Variants in CSMD1 observed in about 807,000 individuals in gnomAD.
The protein encoded by CSMD1 is CUB and sushi domain-containing protein 1.
Under a neutral mutation model 417.5 loss-of-function variants are expected in CSMD1, and 213 were observed. The observed-to-expected ratio is 0.51, with a 90% CI of 0.46 to 0.57. The LOEUF is 0.57. Ranked by LOEUF, CSMD1 falls within the 20% of genes least tolerant of loss-of-function variation. CSMD1 has a pLI of 0.00. For synonymous variants in CSMD1, 2,862 were observed against 1,736.8 expected, an observed-to-expected ratio of 1.65 and a Z score of -16.11; for missense variants, 6,923 against 4,529.7, an observed-to-expected ratio of 1.53 and a Z score of -15.17.
At chr8:4,472,315 A>T (rs1254271278) in intron 2 of CSMD1, among the ~76,000 whole-genome samples, 2 of 152,130 alleles carry the variant, frequency 1.3e-5, no homozygotes, top group African/African-American at 4.8e-5. Flanking sequence ...TTACTTGACA[A>T]CTTACCAATA....
chr8:4,686,603 C>T (rs1425415603), intron 1 of CSMD1, among the ~76,000 whole-genome samples: 3 of 152,220 alleles, frequency 2.0e-5, no homozygotes, highest in Non-Finnish European at 2.9e-5. Context: ...AGTCTCACGT[C>T]CCGACGTCTG....
intron 2 of CSMD1, among the ~76,000 whole-genome samples, chr8:4,612,425 A>C (rs1056118739): frequency 2.6e-5 from 4 of 152,194 alleles, no homozygotes; most frequent in Admixed American, 6.5e-5. Flanking sequence ...TTTCTTCAGG[A>C]AAATAATAGG....
intron 4 of CSMD1, among the ~76,000 whole-genome samples, chr8:4,012,382 T>G (rs998522429): frequency 5.3e-5 from 8 of 152,194 alleles, no homozygotes; most frequent in Non-Finnish European, 1.0e-4. Flanking sequence ...CATTGCCTTG[T>G]TGATCTCATC....
chr8:4,337,139 G>A (rs375434614), intron 3 of CSMD1, among the ~76,000 whole-genome samples: 1 of 152,040 alleles, frequency 6.6e-6, no homozygotes. Context: ...GGGATCTTCT[G>A]CCCCCACCTT....
At chr8:4,734,712 C>G (rs1457376091) in intron 1 of CSMD1, among the ~76,000 whole-genome samples, 1 of 152,110 alleles carries the variant, frequency 6.6e-6, no homozygotes. Context: ...GCAAAAGATA[C>G]ATCTATTGTT....
rs866823261 is a variant in CSMD1 at position 4,397,465 on chromosome 8, T to C, written c.415+22488A>G. On this transcript the variant is annotated intron_variant, in intron 3 of 69. Transcript: ENST00000635120. Reference sequence around the variant, plus strand: ...AAGCTTCGGGAGATACGTGATCTGTTGCAGGGTTTTCATGAAACTTCTGTG... The same window carrying C: ...AAGCTTCGGGAGATACGTGATCTGTCGCAGGGTTTTCATGAAACTTCTGTG... 2.0e-5 allele frequency among the ~76,000 whole-genome samples: 3 copies of C among 149,448 alleles called. No individual in the cohort carries two copies. In the Middle Eastern group the frequency reaches 0.01, roughly 508 times the overall value.
chr8:3,784,660 A>G lies in CSMD1; in HGVS notation c.819-30618T>C, dbSNP rs138400788. 3.9e-5 allele frequency among the ~76,000 whole-genome samples: 6 copies of G among 152,358 alleles called. No individual in the cohort carries two copies. The East Asian group carries it at 9.6e-4, about 24-fold the overall frequency. ...AAATAGAAATCTGTTTGGTTTGGAA[A>G]TAAGGGATATTGTCAGCAAATTTTC... On this transcript the variant is annotated intron_variant, in intron 5 of 69. Transcript: ENST00000635120.
chr8:2,943,207 T>G (rs1402412198), intron 68 of CSMD1, among the ~76,000 whole-genome samples: 1 of 152,084 alleles, frequency 6.6e-6, no homozygotes, highest in Admixed American at 6.5e-5. Context: ...AATGTAACTT[T>G]TTAAATTAAA....
At chr8:3,412,250 T>G (rs1415582413) in intron 12 of CSMD1, among the ~76,000 whole-genome samples, 1 of 151,308 alleles carries the variant, frequency 6.6e-6, no homozygotes. Flanking sequence ...TGATGGGCAT[T>G]TGGGTTGGTT....
At chr8:4,334,117 A>G (rs1800025620) in intron 3 of CSMD1, among the ~76,000 whole-genome samples, 1 of 152,042 alleles carries the variant, frequency 6.6e-6, no homozygotes, top group South Asian at 2.1e-4. Context: ...GTGTTAACCA[A>G]GCTGGTCTCA....
In CSMD1 at chr8:4,340,311, T is replaced by A. The variant is rs183153148; in HGVS notation, c.415+79642A>T. Among the ~76,000 whole-genome samples the A allele has an allele frequency of 2.7e-3, 415 of 152,166 alleles. 6 individuals carry two copies. Among genetic ancestry groups the A allele is most frequent in the African/African-American group, 9.5e-3 (395 of 41,548 alleles). On this transcript the variant is annotated intron_variant, in intron 3 of 69. Coordinates refer to ENST00000635120, the MANE Select transcript of CSMD1 (RefSeq NM_033225.6). ...CATCTGTGTTTGCAAGGCATCTCCA[T>A]CCAAACCCTTACATTGGCTGGGATG...
chr8:3,014,931 A>T (rs1554489360), intron 52 of CSMD1, among the ~76,000 whole-genome samples: 1 of 146,656 alleles, frequency 6.8e-6, no homozygotes, highest in Non-Finnish European at 1.5e-5. Context: ...TAATTAAATA[A>T]ATAAATAAAA....
At chr8:3,088,757 T>C (rs549036693) in intron 48 of CSMD1, among the ~76,000 whole-genome samples, 2 of 151,712 alleles carry the variant, frequency 1.3e-5, no homozygotes, top group East Asian at 3.9e-4. Flanking sequence ...CTTCTAAGTT[T>C]TGAATGAACC....
intron 1 of CSMD1, among the ~76,000 whole-genome samples, chr8:4,833,170 G>C (rs1377854040): frequency 6.6e-6 from 1 of 152,078 alleles, no homozygotes; most frequent in Admixed American, 6.6e-5. Context: ...TTCTCACACT[G>C]CTATAAAAAA....
chr8:3,562,798 C>A (rs970073091), intron 10 of CSMD1, among the ~76,000 whole-genome samples: 1 of 151,570 alleles, frequency 6.6e-6, no homozygotes, highest in Non-Finnish European at 1.5e-5. Flanking sequence ...GGAAGAGGAT[C>A]GAGAAAAACA....
At chr8:3,384,663 T>C (rs1213335597) in intron 18 of CSMD1, among the ~76,000 whole-genome samples, 10 of 137,272 alleles carry the variant, frequency 7.3e-5, no homozygotes, top group Non-Finnish European at 1.4e-4. Flanking sequence ...TAAATTAATA[T>C]AGATGCTATT....
rs200815103 is a variant in CSMD1 at position 3,558,635 on chromosome 8, A to G, written c.1344+16310T>C. Among the ~76,000 whole-genome samples the G allele has an allele frequency of 8.9e-3, 1,005 of 113,540 alleles. 4 individuals carry two copies. The highest frequency in any genetic ancestry group is 0.024 in the East Asian group (86 of 3,634). 74.5% of individuals were successfully genotyped at this position (113,540 alleles called of 152,430 possible). ...TCCTCCAATGATGAATAGTGCCTCA[A>G]TAGTACCCCGTGTCCACTCCTCCAA... is the stretch of plus-strand genomic sequence containing the variant. On this transcript the variant is annotated intron_variant, in intron 10 of 69. Transcript: ENST00000635120.
chr8:4,718,393 A>G (rs1244574061), intron 1 of CSMD1, among the ~76,000 whole-genome samples: 1 of 152,236 alleles, frequency 6.6e-6, no homozygotes, highest in Non-Finnish European at 1.5e-5. Context: ...ACTTAACATG[A>G]TAAAACACAT....
At chr8:3,260,204 C>G (rs1485477550) in intron 26 of CSMD1, among the ~76,000 whole-genome samples, 4 of 152,126 alleles carry the variant, frequency 2.6e-5, no homozygotes, top group African/African-American at 7.2e-5. Context: ...CTTCCTCACC[C>G]TGAATTGAAC....
Sources: gnomAD v4.1 joint callset for allele counts (sites outside exome capture counted in the v4.1 genomes callset) on GRCh38, gnomAD v4.1.1 for gene constraint, MANE v1.5 for transcripts, NCBI Gene and HGNC (gene_info 2026-07-23, HGNC 2026-07-21) for gene names.